Variants in GAB1 observed in about 807,000 individuals in gnomAD.
GAB1 encodes the protein GRB2-associated-binding protein 1.
GAB1 carries 19 observed loss-of-function variants against 66.5 expected under a neutral mutation model. The observed-to-expected ratio is 0.29, with a 90% confidence interval of 0.20 to 0.42. The LOEUF (loss-of-function observed/expected upper bound fraction) is 0.42. Ranked by LOEUF, GAB1 falls within the 10% of genes least tolerant of loss-of-function variation. The pLI, the probability that GAB1 is intolerant of heterozygous loss-of-function variation, is 1.00. For missense variants in GAB1, 732 were observed against 858.5 expected, an observed-to-expected ratio of 0.85 and a Z score of 1.84; for synonymous variants, 294 against 301.4, an observed-to-expected ratio of 0.98 and a Z score of 0.25.
chr4:143,427,827 A>T (rs1440384048), intron 2 of GAB1, among the ~76,000 whole-genome samples: 1 of 152,210 alleles, frequency 6.6e-6, no homozygotes, highest in African/African-American at 2.4e-5. Context: ...ATGGCTACTC[A>T]TCTAGAAAGA....
In GAB1 at chr4:143,473,149, G is replaced by A. The variant is rs1042732808; in HGVS notation, c.*3960G>A. ...CTACTTCCTTTACTTAAAAAGATGT[G>A]GTTTTATGTAAGTTCTTGATTACTG... On this transcript the variant is annotated 3_prime_UTR_variant, in exon 10 of 10. Transcript: ENST00000262994. 3.3e-5 allele frequency: 5 copies of A among 151,936 alleles called. No individual in the cohort carries two copies. The highest frequency in any genetic ancestry group is 1.2e-4 in the African/African-American group (5 of 41,366). 9.4% of individuals were successfully genotyped at this position (151,936 alleles called of 1,614,324 possible). A position where few individuals can be genotyped will look rare whatever the true frequency, so the allele number is the denominator to read the frequency against.
Position 143,471,246 on chromosome 4 carries a change from A to G in GAB1, c.*2057A>G, listed in dbSNP as rs951384618. On this transcript the variant is annotated 3_prime_UTR_variant, in exon 10 of 10. Transcript: ENST00000262994. ...TATCATTAACTTTTTACAAGTCACC[A>G]TATTTGAAGATCTGTAGCACTCTGA... The G allele has an allele frequency of 6.6e-6, 1 of 152,200 alleles. No individual in the cohort carries two copies. The highest frequency in any genetic ancestry group is 2.4e-5 in the African/African-American group (1 of 41,450). 9.4% of individuals were successfully genotyped at this position (152,200 alleles called of 1,614,324 possible). A position where few individuals can be genotyped will look rare whatever the true frequency, so the allele number is the denominator to read the frequency against.
chr4:143,375,795 G>T (rs1047086613), intron 1 of GAB1, among the ~76,000 whole-genome samples: 3 of 152,124 alleles, frequency 2.0e-5, no homozygotes, highest in African/African-American at 7.2e-5. Context: ...TGTGTGGCCT[G>T]CCCTGTGCAT....
At chr4:143,410,868 C>A (rs547090553) in intron 1 of GAB1, among the ~76,000 whole-genome samples, 7 of 152,024 alleles carry the variant, frequency 4.6e-5, no homozygotes, top group African/African-American at 7.2e-5. Flanking sequence ...CTCCTTGGCG[C>A]TAGGCAATGG....
chr4:143,371,944 C>T (rs1390968801), intron 1 of GAB1, among the ~76,000 whole-genome samples: 1 of 152,040 alleles, frequency 6.6e-6, no homozygotes, highest in African/African-American at 2.4e-5. Flanking sequence ...TTGAGGTTAC[C>T]CAGTTCAAGC....
chr4:143,449,238 G>A (rs1309170444), intron 6 of GAB1, among the ~76,000 whole-genome samples: 28 of 151,298 alleles, frequency 1.9e-4, no homozygotes, highest in African/African-American at 6.4e-4. Context: ...AATAGGTGTG[G>A]TGTGGTGCTG....
chr4:143,336,894 A>G lies in GAB1; in HGVS notation c.-295A>G. ...TCGGGGCAGAGTCCCGCTGAGTCCG[A>G]GCGCTGCTGAGGCAGCTGGCGAGAC... On this transcript the variant is annotated 5_prime_UTR_variant, in exon 1 of 10. Transcript: ENST00000262994. The G allele has an allele frequency of 2.3e-6, 1 of 437,896 alleles. No homozygotes were observed. 27.1% of individuals were successfully genotyped at this position (437,896 alleles called of 1,614,324 possible).
intron 1 of GAB1, among the ~76,000 whole-genome samples, chr4:143,404,130 G>A (rs1731920092): frequency 1.3e-5 from 2 of 152,122 alleles, no homozygotes; most frequent in South Asian, 4.1e-4. Flanking sequence ...GGAATGTTTT[G>A]TTTTGCTGGA....
At chr4:143,347,961 T>C (rs1478830187) in intron 1 of GAB1, among the ~76,000 whole-genome samples, 1 of 152,232 alleles carries the variant, frequency 6.6e-6, no homozygotes, top group South Asian at 2.1e-4. Context: ...AGCTGGGTCC[T>C]TTTTCCATCA....
chr4:143,361,241 A>G (rs1328831689), intron 1 of GAB1, among the ~76,000 whole-genome samples: 1 of 152,150 alleles, frequency 6.6e-6, no homozygotes, highest in African/African-American at 2.4e-5. Flanking sequence ...GATAGGCAAA[A>G]TCATATTTTA....
At chr4:143,426,006 CAA>C in intron 2 of GAB1, 1 of 635,288 alleles carries the variant, frequency 1.6e-6, no homozygotes, top group Non-Finnish European at 2.7e-6. Flanking sequence ...TTAAAAATTA[CAA>C]AAAAAGAAAA....
At chr4:143,361,310 A>G (rs1035609315) in intron 1 of GAB1, among the ~76,000 whole-genome samples, 20 of 152,176 alleles carry the variant, frequency 1.3e-4, no homozygotes, top group African/African-American at 4.6e-4. Flanking sequence ...TAAGAAATAT[A>G]TTTCAGAAAT....
chr4:143,445,897 C>T (rs1257025961), intron 6 of GAB1, among the ~76,000 whole-genome samples: 1 of 152,084 alleles, frequency 6.6e-6, no homozygotes, highest in Admixed American at 6.6e-5. Context: ...CACCCATTAA[C>T]TCGTCATTTA....
chr4:143,392,722 G>C (rs1381933850), intron 1 of GAB1, among the ~76,000 whole-genome samples: 1 of 152,050 alleles, frequency 6.6e-6, no homozygotes, highest in African/African-American at 2.4e-5. Context: ...ATGCAACAAC[G>C]AATTTGTATT....
intron 2 of GAB1, among the ~76,000 whole-genome samples, chr4:143,420,513 A>T (rs748680990): frequency 8.5e-5 from 13 of 152,094 alleles, no homozygotes; most frequent in Non-Finnish European, 1.8e-4. Context: ...GTCCTAGCTC[A>T]TTAAACTGTG....
In GAB1 at chr4:143,337,167, C is replaced by T. The variant is rs763453383; in HGVS notation, c.-22C>T. On this transcript the variant is annotated 5_prime_UTR_variant, in exon 1 of 10. Transcript: ENST00000262994. ...CCCGCCGCCCCTCAGCTGCCCGGCCCGGAGCCCGAGACGCGCGCACCATGA... is the reference window on the plus strand; with the variant it reads ...CCCGCCGCCCCTCAGCTGCCCGGCCTGGAGCCCGAGACGCGCGCACCATGA... 8 of 1,562,742 alleles carry T rather than the reference C, an allele frequency of 5.1e-6. No individual in the cohort carries two copies. The highest frequency in any genetic ancestry group is 6.1e-6 in the Non-Finnish European group (7 of 1,153,020).
At chr4:143,370,596 C>T (rs922137128) in intron 1 of GAB1, among the ~76,000 whole-genome samples, 14 of 152,170 alleles carry the variant, frequency 9.2e-5, no homozygotes, top group East Asian at 3.9e-4. Flanking sequence ...ATGTGCACAA[C>T]GTGCAAGTTT....
rs114270374 is a variant in GAB1, at chr4:143,365,983, G to C, written c.72+28723G>C. ...AGATTATAAATCATTACATTAAAAT[G>C]AATTTCATTCATCCAACAAACATTG... On this transcript the variant is annotated intron_variant, in intron 1 of 9. Transcript: ENST00000262994. Among the ~76,000 whole-genome samples the C allele has an allele frequency of 9.1e-3, 1,384 of 152,254 alleles. 21 individuals carry two copies. The highest frequency in any genetic ancestry group is 0.032 in the African/African-American group (1,322 of 41,542).
intron 1 of GAB1, among the ~76,000 whole-genome samples, chr4:143,398,618 C>T (rs745773160): frequency 1.3e-5 from 2 of 150,850 alleles, no homozygotes; most frequent in South Asian, 2.1e-4. Flanking sequence ...TAACCCTGGC[C>T]GGCTGTCTTG....
Sources: gnomAD v4.1 joint callset for allele counts (sites outside exome capture counted in the v4.1 genomes callset) on GRCh38, gnomAD v4.1.1 for gene constraint, MANE v1.5 for transcripts, NCBI Gene and HGNC (gene_info 2026-07-23, HGNC 2026-07-21) for gene names.